The following NLRP4 variants were observed in gnomAD, a reference collection of about 807,000 sequenced individuals.
The protein encoded by NLRP4 is NLR family pyrin domain containing 4.
A neutral mutation model predicts 84.7 loss-of-function variants in NLRP4; 44 were observed. That is an observed-to-expected ratio of 0.52 (90% CI 0.41 to 0.67). The LOEUF (loss-of-function observed/expected upper bound fraction) is 0.67. NLRP4 is among the 30% of genes least tolerant of loss of function. NLRP4 has a pLI of 0.00. For missense variants in NLRP4, 1,260 were observed against 1,219.4 expected, an observed-to-expected ratio of 1.03 and a Z score of -0.50; for synonymous variants, 544 against 476.4, an observed-to-expected ratio of 1.14 and a Z score of -1.85.
chr19:55,854,842 C>T (rs1486301674), intron 2 of NLRP4, among the ~76,000 whole-genome samples: 1 of 152,082 alleles, frequency 6.6e-6, no homozygotes, highest in East Asian at 1.9e-4. Context: ...CCTGCCTCAG[C>T]CTCCGGAGTA....
At chr19:55,860,260 C>T (rs1984696954) in intron 3 of NLRP4, among the ~76,000 whole-genome samples, 1 of 152,156 alleles carries the variant, frequency 6.6e-6, no homozygotes, top group Non-Finnish European at 1.5e-5. Flanking sequence ...GCTGGGATTA[C>T]AGGCGTGAGC....
intron 3 of NLRP4, among the ~76,000 whole-genome samples, chr19:55,859,950 AAAC>A (rs1352604814): frequency 0.08 from 7,127 of 89,524 alleles, 1,158 homozygotes; most frequent in Non-Finnish European, 0.1. Flanking sequence ...AAAAAAAAAA[AAAC>A]AAAACACAAA....
intron 5 of NLRP4, among the ~76,000 whole-genome samples, chr19:55,865,837 G>T (rs11668272): frequency 6.6e-6 from 1 of 151,888 alleles, no homozygotes; most frequent in Admixed American, 6.6e-5. Flanking sequence ...TATACGAGAC[G>T]TACTTTGTGA....
rs1314897163 is a variant in NLRP4, at chr19:55,859,029, G to A, written c.1636G>A (p.Gly546Arg). The change falls in exon 3 of 10, where the codon GGA becomes AGA. Residue 546 changes from glycine to arginine, a missense_variant. This residue lies in a region of NLRP4 where 4 missense variants were observed against 18.5 expected (regional missense o/e 0.22). Coordinates refer to ENST00000301295, the MANE Select transcript of NLRP4 (RefSeq NM_134444.5). ...CTTAGGGGAGCGTGGCAATCCTCAG[G>A]GACAGGTGGATTCCTTGGCGATATT... ...KSLGERGNPQGQVDSLAIFYC... is the reference protein window; with the variant it reads ...KSLGERGNPQRQVDSLAIFYC... 6.2e-7 allele frequency: 1 copy of A among 1,613,976 alleles called. No individual in the cohort carries two copies. The highest frequency in any genetic ancestry group is 1.3e-5 in the African/African-American group (1 of 74,898).
chr19:55,872,942 A>G (rs1418622551), intron 7 of NLRP4, among the ~76,000 whole-genome samples: 1 of 152,184 alleles, frequency 6.6e-6, no homozygotes, highest in Non-Finnish European at 1.5e-5. Context: ...TATCTACAAG[A>G]AAGGAGACAG....
At chr19:55,857,130 A>G (rs961880700) in intron 2 of NLRP4, among the ~76,000 whole-genome samples, 6 of 152,228 alleles carry the variant, frequency 3.9e-5, no homozygotes, top group Non-Finnish European at 8.8e-5. Context: ...CTTGTGTCTC[A>G]TAAATTATTT....
At chr19:55,839,384 C>G (rs1047961774) in intron 1 of NLRP4, among the ~76,000 whole-genome samples, 7 of 149,918 alleles carry the variant, frequency 4.7e-5, no homozygotes, top group Non-Finnish European at 8.9e-5. Flanking sequence ...CACACATGCT[C>G]TCTCTTAGAT....
At chr19:55,850,330 C>T (rs1303675814) in intron 1 of NLRP4, among the ~76,000 whole-genome samples, 1 of 66,238 alleles carries the variant, frequency 1.5e-5, no homozygotes, top group Non-Finnish European at 2.3e-5. Context: ...GTGTAATTTC[C>T]GAGGCTGCGG....
intron 1 of NLRP4, among the ~76,000 whole-genome samples, chr19:55,851,179 G>A (rs1984117768): frequency 2.6e-5 from 1 of 38,380 alleles, no homozygotes; most frequent in African/African-American, 3.2e-4. Flanking sequence ...CCGTGGCTGC[G>A]GTGTAATGTC....
At position 55,858,773 on chromosome 19, in the gene NLRP4, C is replaced by T. The variant is rs146680641; in HGVS notation, c.1380C>T (p.Ala460=). 228 of 1,614,144 alleles carry T rather than the reference C, an allele frequency of 1.4e-4. 1 individual carries two copies. Among genetic ancestry groups the T allele is most frequent in the South Asian group, 1.0e-3 (94 of 91,084 alleles). The change falls in exon 3 of 10, where the codon GCC becomes GCT. Residue 460 remains alanine, a synonymous_variant. Transcript: ENST00000301295. This position sits in a 1 kb window ranked among gnomAD's most constrained non-coding sequence, Gnocchi z 4.2. Reference sequence around the variant, plus strand: ...ACGTGTGTATCCAGGAGTTCTGTGCCGCCTTGTTCTATTTGCTCAAGAGCC... The same window carrying T: ...ACGTGTGTATCCAGGAGTTCTGTGCTGCCTTGTTCTATTTGCTCAAGAGCC... ...FLHVCIQEFC[A]ALFYLLKSHL... is the part of the protein sequence containing the mutation.
chr19:55,857,282 C>A (rs1984472177), intron 2 of NLRP4, among the ~76,000 whole-genome samples: 2 of 149,720 alleles, frequency 1.3e-5, no homozygotes, highest in South Asian at 4.2e-4. Context: ...GTGTGTGTGT[C>A]TATTGAAAGC....
At chr19:55,842,214 A>G (rs998971897) in intron 1 of NLRP4, among the ~76,000 whole-genome samples, 1 of 152,126 alleles carries the variant, frequency 6.6e-6, no homozygotes, top group African/African-American at 2.4e-5. Flanking sequence ...TTAAAGAGCA[A>G]GTATTTGGTT....
At chr19:55,844,719 A>G (rs1983727686) in intron 1 of NLRP4, among the ~76,000 whole-genome samples, 2 of 152,178 alleles carry the variant, frequency 1.3e-5, no homozygotes, top group Non-Finnish European at 2.9e-5. Flanking sequence ...CTTCAGTTGC[A>G]CTTTGTGACC....
intron 6 of NLRP4, among the ~76,000 whole-genome samples, chr19:55,869,748 A>T (rs1322033419): frequency 6.7e-6 from 1 of 150,328 alleles, no homozygotes. Flanking sequence ...GTTTTTCTCT[A>T]CTCCACACTT....
intron 6 of NLRP4, among the ~76,000 whole-genome samples, chr19:55,869,475 G>A (rs1182855671): frequency 6.6e-6 from 1 of 152,100 alleles, no homozygotes; most frequent in Admixed American, 6.6e-5. Context: ...TGAGGCCTCC[G>A]TGGAAATGCA....
intron 5 of NLRP4, among the ~76,000 whole-genome samples, chr19:55,863,905 G>C (rs1419702195): frequency 6.6e-6 from 1 of 151,866 alleles, no homozygotes; most frequent in East Asian, 1.9e-4. Context: ...ACCTTCATTG[G>C]TACCCACACA....
intron 2 of NLRP4, chr19:55,857,314 A>G: frequency 3.5e-6 from 1 of 287,282 alleles, no homozygotes; most frequent in Non-Finnish European, 6.2e-6. Flanking sequence ...AACTTTACGT[A>G]GTAGCAATGA....
At position 55,870,922 on chromosome 19, in the gene NLRP4, A is replaced by G. The variant is rs1427790982; in HGVS notation, c.2450A>G (p.Asn817Ser). Residue 817 changes from asparagine (N) to serine (S), a missense_variant, in exon 7 of 10, where the codon AAT becomes AGT. Around this residue, in one of 3 missense-constraint regions of NLRP4, gnomAD observed 544 missense variants for 531.7 expected, o/e 1.02. Coordinates refer to ENST00000301295, the MANE Select transcript of NLRP4 (RefSeq NM_134444.5). ...GTGCGCTATCTAGACCTCAGTGCCA[A>G]TGTCCTGAAGGACGAAGGACTGAAA... ...KSVRYLDLSA[N>S]VLKDEGLKTL... The G allele has an allele frequency of 1.2e-6, 2 of 1,613,980 alleles. No individual in the cohort carries two copies. Among genetic ancestry groups the G allele is most frequent in the South Asian group, 2.2e-5 (2 of 91,076 alleles).
chr19:55,850,106 TTACC>T (rs1272272584), intron 1 of NLRP4, among the ~76,000 whole-genome samples: 6 of 138,442 alleles, frequency 4.3e-5, no homozygotes, highest in Admixed American at 2.1e-4. Context: ...TGCGGTGTAA[TTACC>T]GTAGCTGCGG....
Sources: allele counts gnomAD v4.1 joint callset (sites outside exome capture counted in the v4.1 genomes callset), GRCh38; gene constraint gnomAD v4.1.1; regional missense constraint gnomAD v4.1.1; non-coding constraint Gnocchi (gnomAD v3.1); transcripts MANE v1.5; gene names NCBI Gene and HGNC (gene_info 2026-07-23, HGNC 2026-07-21).